Variants in MYOM1 observed in about 807,000 individuals in gnomAD.
The protein encoded by MYOM1 is myomesin-1.
Under a neutral mutation model 205.3 loss-of-function variants are expected in MYOM1, and 164 were observed. The observed-to-expected ratio is 0.80, with a 90% CI of 0.70 to 0.91. MYOM1 has a LOEUF of 0.91. Among genes scored for constraint, MYOM1 ranks in the 40% least tolerant of loss-of-function variants. The pLI is 0.00. For missense variants in MYOM1, 2,011 were observed against 2,127.3 expected (o/e 0.95, Z 1.08); for synonymous variants, 772 against 789.4 (o/e 0.98, Z 0.37).
chr18:3,121,356 C>T (rs1037668962), intron 19 of MYOM1, among the ~76,000 whole-genome samples: 1 of 152,124 alleles, frequency 6.6e-6, no homozygotes, highest in East Asian at 1.9e-4. Context: ...AAGTATAGCA[C>T]ACCAAAGATA....
rs1324734745 is a variant in MYOM1, at chr18:3,142,004, C to T, written c.1960G>A (p.Val654Met). The change falls in exon 14 of 38, where the codon GTG (valine) becomes ATG (methionine). Residue 654 changes from valine (V) to methionine (M), a missense_variant. Transcript: ENST00000356443. ...LSVTEATRSY[V>M]VLSWKPPGQR... ...CCAGGGGGCTTCCAGCTGAGCACCACATAGCTCCGGGTGGCCTCAGTGACA... is the reference window on the plus strand; with the variant it reads ...CCAGGGGGCTTCCAGCTGAGCACCATATAGCTCCGGGTGGCCTCAGTGACA... 1 of 1,613,932 alleles carries T rather than the reference C, an allele frequency of 6.2e-7. No individual in the cohort carries two copies. The highest frequency in any genetic ancestry group is 1.7e-5 in the Admixed American group (1 of 60,022).
chr18:3,168,416 G>A (rs1423082063), intron 9 of MYOM1, among the ~76,000 whole-genome samples: 1 of 152,090 alleles, frequency 6.6e-6, no homozygotes, highest in Non-Finnish European at 1.5e-5. Flanking sequence ...AGCCTCCTGA[G>A]TAGCTGGGAT....
At chr18:3,225,059 C>T in the MYOM1 span, among the ~76,000 whole-genome samples, 11 of 152,180 alleles carry the variant, frequency 7.2e-5, no homozygotes, top group Non-Finnish European at 1.0e-4. Flanking sequence ...GCCATCTCAG[C>T]TCACTGCAAG....
chr18:3,131,948 T>C (rs1171127715), intron 16 of MYOM1, among the ~76,000 whole-genome samples: 7 of 150,824 alleles, frequency 4.6e-5, no homozygotes, highest in African/African-American at 1.2e-4. Flanking sequence ...TTATAAAGTA[T>C]ATAAAGTACC....
At chr18:3,164,112 C>T (rs2080435705) in intron 10 of MYOM1, among the ~76,000 whole-genome samples, 166 bp downstream of exon 10, 1 of 151,898 alleles carries the variant, frequency 6.6e-6, no homozygotes, top group Non-Finnish European at 1.5e-5. Flanking sequence ...CCACCTTGGC[C>T]TCCCAAAGTG....
intron 2 of MYOM1, among the ~76,000 whole-genome samples, chr18:3,204,351 GT>G (rs1322149891): frequency 6.6e-6 from 1 of 151,844 alleles, no homozygotes; most frequent in East Asian, 1.9e-4. Flanking sequence ...CACAAAAATT[GT>G]TGGTACTAAT....
chr18:3,244,190 C>T, the MYOM1 span, among the ~76,000 whole-genome samples: 1 of 152,176 alleles, frequency 6.6e-6, no homozygotes, highest in South Asian at 2.1e-4. Context: ...GCAAAACTGT[C>T]TCTCCAGACA....
intron 12 of MYOM1, among the ~76,000 whole-genome samples, chr18:3,151,244 TGA>T (rs2080216561): frequency 6.6e-6 from 1 of 151,628 alleles, no homozygotes; most frequent in Admixed American, 6.6e-5. Context: ...CGCACTGTGC[TGA>T]GATATTAATG....
At chr18:3,121,686 G>T (rs761885202) in intron 19 of MYOM1, among the ~76,000 whole-genome samples, 1 of 152,092 alleles carries the variant, frequency 6.6e-6, no homozygotes, top group Non-Finnish European at 1.5e-5. Context: ...TAAAACAAAT[G>T]AAATAACTTC....
chr18:3,124,674 G>C (rs2079753437), intron 19 of MYOM1, among the ~76,000 whole-genome samples: 1 of 152,020 alleles, frequency 6.6e-6, no homozygotes, highest in African/African-American at 2.4e-5. Context: ...GTCTCTGTGG[G>C]GGGGGGTTAA....
Position 3,159,198 on chromosome 18 carries a change from T to C in MYOM1, c.1502-4110A>G, listed in dbSNP as rs2080345815. Among the ~76,000 whole-genome samples the C allele has an allele frequency of 7.9e-5, 12 of 152,350 alleles. No homozygotes were observed. In the South Asian group the frequency reaches 2.5e-3, roughly 32 times the overall value. The stretch of plus-strand genomic sequence containing the variant: ...ACGGATGGCTTTACTTTTTATTTGT[T>C]AAATTTATATTATCTATTTTTTTCA... On this transcript the variant is annotated intron_variant, in intron 10 of 37. Coordinates refer to ENST00000356443, the MANE Select transcript of MYOM1 (RefSeq NM_003803.4).
chr18:3,145,342 G>A (rs572760272), intron 13 of MYOM1, among the ~76,000 whole-genome samples: 11 of 150,684 alleles, frequency 7.3e-5, no homozygotes, highest in South Asian at 4.2e-4. Context: ...CTTTTCAAGC[G>A]CACACTAAAT....
chr18:3,075,808 T>C (rs1217854873), intron 34 of MYOM1, 47 bp from the exon 35 acceptor site: 11 of 1,503,752 alleles, frequency 7.3e-6, no homozygotes, highest in East Asian at 4.9e-5. Context: ...CCAGAATTGA[T>C]GACACACAGG....
intron 2 of MYOM1, among the ~76,000 whole-genome samples, chr18:3,197,676 A>G (rs1001137004): frequency 3.3e-5 from 5 of 151,928 alleles, no homozygotes; most frequent in South Asian, 2.1e-4. Context: ...GATCGAGACC[A>G]TCCTAGCTAA....
intron 19 of MYOM1, 120 bp downstream of exon 19, chr18:3,126,581 C>A: frequency 1.2e-6 from 1 of 868,448 alleles, no homozygotes; most frequent in South Asian, 2.2e-5. Context: ...CCACTGCAGA[C>A]AATGGACTCT....
Position 3,091,132 on chromosome 18 carries a change from A to G in MYOM1, c.3865-330T>C, listed in dbSNP as rs368942233. ...GGAGTTCGAGACCAGCCTGACCAAT[A>G]TGATGAAACCCCGTCTCTACTAAAA... On this transcript the variant is annotated intron_variant, in intron 26 of 37. Coordinates refer to ENST00000356443, the MANE Select transcript of MYOM1 (RefSeq NM_003803.4). Among the ~76,000 whole-genome samples, 37 of 152,226 alleles carry G rather than the reference A, an allele frequency of 2.4e-4. No homozygotes were observed. In the East Asian group the frequency reaches 4.3e-3, roughly 17 times the overall value.
chr18:3,181,573 T>C (rs1185610084), intron 5 of MYOM1, among the ~76,000 whole-genome samples: 1 of 152,176 alleles, frequency 6.6e-6, no homozygotes, highest in Admixed American at 6.5e-5. Flanking sequence ...GATTCTATTA[T>C]GAAATTTACA....
At position 3,066,834 on chromosome 18, in the gene MYOM1, G is replaced by C. The variant is rs1301673900; in HGVS notation, c.*428C>G. ...GGGGAAGAGGACAGACGTGAAAACT[G>C]TTTATTCATACAGAGGAGGTTCCAA... On this transcript the variant is annotated 3_prime_UTR_variant, in exon 38 of 38. Coordinates refer to ENST00000356443, the MANE Select transcript of MYOM1 (RefSeq NM_003803.4). 6.1e-6 allele frequency: 1 copy of C among 164,652 alleles called. No homozygotes were observed. The highest frequency in any genetic ancestry group is 2.4e-5 in the African/African-American group (1 of 41,774). 10.2% of individuals were successfully genotyped at this position (164,652 alleles called of 1,614,324 possible).
chr18:3,150,308 C>A (rs536973204), intron 12 of MYOM1, among the ~76,000 whole-genome samples: 1 of 152,154 alleles, frequency 6.6e-6, no homozygotes, highest in African/African-American at 2.4e-5. Flanking sequence ...GTGATCCACC[C>A]GCCTCGACCT....
Sources: gnomAD v4.1 joint callset for allele counts (sites outside exome capture counted in the v4.1 genomes callset) on GRCh38, gnomAD v4.1.1 for gene constraint, MANE v1.5 for transcripts, NCBI Gene and HGNC (gene_info 2026-07-23, HGNC 2026-07-21) for gene names.